MAP1S: variants seen among roughly 807,000 people sequenced by gnomAD.
MAP1S encodes microtubule-associated protein 1S.
MAP1S carries 27 observed loss-of-function variants against 60.9 expected under a neutral mutation model. The observed-to-expected ratio is 0.44, with a 90% CI of 0.33 to 0.61. The LOEUF is 0.61. MAP1S is among the 20% of genes least tolerant of loss of function. The probability of loss-of-function intolerance (pLI) is 0.03; values close to 1 mark genes in which losing one functional copy is unlikely to be tolerated. For missense variants in MAP1S, 1,608 were observed against 1,486.6 expected (o/e 1.08, Z -1.34); for synonymous variants, 826 against 694.2 (o/e 1.19, Z -2.98).
rs11548658 is a variant in MAP1S, at chr19:17,727,064, C to G, written c.1680C>G (p.Pro560=). ...NLKKTNAQAA[P]KPRKAPSTSH... ...AGAAGACGAATGCCCAGGCGGCACC[C>G]AAGCCCCGCAAAGCGCCCAGCACGT... Residue 560 remains proline (P), a synonymous_variant, in exon 5 of 7, where the codon CCC becomes CCG. Transcript: ENST00000324096. This position sits in a 1 kb window ranked among gnomAD's most constrained non-coding sequence, Gnocchi z 4.1. 12 of 1,605,878 alleles carry G rather than the reference C, an allele frequency of 7.5e-6. No homozygotes were observed. The highest frequency in any genetic ancestry group is 2.2e-5 in the East Asian group (1 of 44,634).
chr19:17,728,247 T>A, intron 5 of MAP1S, 75 bp downstream of exon 5: 2 of 1,447,770 alleles, frequency 1.4e-6, no homozygotes, highest in East Asian at 4.7e-5. Context: ...TCCCCCTGTT[T>A]TTACATTTTC....
chr19:17,720,478 T>A, intron 1 of MAP1S: 1 of 1,527,658 alleles, frequency 6.5e-7, no homozygotes, highest in Non-Finnish European at 8.7e-7. Context: ...TGGAACAAGC[T>A]TCCAGCTCAC....
chr19:17,726,463 G>A lies in MAP1S; in HGVS notation c.1079G>A (p.Ser360Asn), dbSNP rs1275545980. Residue 360 changes from serine (S) to asparagine (N), a missense_variant, in exon 5 of 7, where the codon AGC (serine) becomes AAC (asparagine). By Grantham distance (46) the Ser-to-Asn change is conservative (BLOSUM62 1). This residue lies in a region of MAP1S where 1,167 missense variants were observed against 961.4 expected (regional missense o/e 1.21). Transcript: ENST00000324096. ...RGEDEAELAL[S>N]LLAQLGITPL... ...GAGGATGAGGCGGAGCTGGCGCTGA[G>A]CCTCCTGGCGCAGCTGGGCATCACG... The A allele has an allele frequency of 1.3e-6, 2 of 1,550,584 alleles. No individual in the cohort carries two copies. The highest frequency in any genetic ancestry group is 1.9e-5 in the Admixed American group (1 of 51,990).
In MAP1S at chr19:17,734,422, G is replaced by C. The variant is rs752005506; in HGVS notation, c.3174G>C (p.Glu1058Asp). The C allele has an allele frequency of 6.8e-6, 11 of 1,607,878 alleles. No individual in the cohort carries two copies. The African/African-American group carries it at 9.4e-5, about 14-fold the overall frequency. The stretch of plus-strand genomic sequence containing the variant: ...ACGCCTTCCCGGCCTGCAAGGTGGA[G>C]TTCTAGCCCCATCGCCGACACGCCC... ...QDDAFPACKV[E>D]F Residue 1058 changes from glutamate (E) to aspartate (D), a missense_variant, in exon 7 of 7, where the codon GAG becomes GAC. By Grantham distance (45) the Glu-to-Asp change is conservative. This residue lies in a region of MAP1S where 76 missense variants were observed against 110.1 expected (regional missense o/e 0.69). Transcript: ENST00000324096.
At position 17,726,583 on chromosome 19, in the gene MAP1S, CG is replaced by C; in HGVS notation, c.1200del (p.Ser402ProfsTer50). ...VGRLDMYVLH[P>X]PSAGAERTLA... is the part of the protein sequence containing the mutation. ...CGGCTGGACATGTATGTGCTGCACC[CG>C]CCCTCCGCCGGCGCCGAGCGCACGC... On this transcript the variant is annotated frameshift_variant, in exon 5 of 7. Transcript: ENST00000324096. LOFTEE classifies it high-confidence loss of function. 1 of 1,573,790 alleles carries C rather than the reference CG, an allele frequency of 6.4e-7. No homozygotes were observed. The highest frequency in any genetic ancestry group is 8.6e-7 in the Non-Finnish European group (1 of 1,165,248).
rs1480352285 is a variant in MAP1S at position 17,727,824 on chromosome 19, G to A, written c.2440G>A (p.Glu814Lys). ...TGCGGCAGACTCAGACGAAGACACA[G>A]AGGGCTTTGGAGTCCCTCGCCACGA... ...PGAADSDEDT[E>K]GFGVPRHDPL... is the part of the protein sequence containing the mutation. Residue 814 changes from glutamate to lysine, a missense_variant, in exon 5 of 7, where the codon GAG (glutamate) becomes AAG (lysine). Physicochemically the swap from Glu to Lys is moderately conservative, Grantham distance 56. Transcript: ENST00000324096. This position sits in a 1 kb window ranked among gnomAD's most constrained non-coding sequence, Gnocchi z 4.1. 13 of 1,613,450 alleles carry A rather than the reference G, an allele frequency of 8.1e-6. No individual in the cohort carries two copies. Among genetic ancestry groups the A allele is most frequent in the Non-Finnish European group, 1.0e-5 (12 of 1,179,868 alleles).
intron 2 of MAP1S, 47 bp from the exon 3 acceptor site, chr19:17,724,079 C>A: frequency 6.7e-7 from 1 of 1,492,226 alleles, no homozygotes; most frequent in Non-Finnish European, 9.3e-7. Flanking sequence ...CTGAGGGTCA[C>A]ACGGGGAGGC....
rs144113040 is a variant in MAP1S at position 17,731,756 on chromosome 19, C to G, written c.2789-1437C>G. On this transcript the variant is annotated intron_variant, in intron 5 of 6. Coordinates refer to ENST00000324096, the MANE Select transcript of MAP1S (RefSeq NM_018174.6). ...TCTCAGCTCACTGCAACCTCCACTTCCTGGGTTCAAGCAGTTCTCCTGCCT... is the reference window on the plus strand; with the variant it reads ...TCTCAGCTCACTGCAACCTCCACTTGCTGGGTTCAAGCAGTTCTCCTGCCT... Among the ~76,000 whole-genome samples, 381 of 152,350 alleles carry G rather than the reference C, an allele frequency of 2.5e-3. 2 individuals carry two copies. The highest frequency in any genetic ancestry group is 9.0e-3 in the African/African-American group (375 of 41,560).
chr19:17,733,572 TA>T lies in MAP1S; in HGVS notation c.3024+145del. The T allele has an allele frequency of 4.6e-6, 3 of 653,744 alleles. 1 individual carries two copies. In the South Asian group the frequency reaches 6.4e-5, roughly 14 times the overall value. The allele number at this position is 653,744 out of a possible 1,614,324, so 40.5% of individuals were successfully genotyped here. A position where few individuals can be genotyped will look rare whatever the true frequency, so the allele number is the denominator to read the frequency against. On this transcript the variant is annotated intron_variant, in intron 6 of 6. Coordinates refer to ENST00000324096, the MANE Select transcript of MAP1S (RefSeq NM_018174.6). ...TGGGAGTCTCACATGGCTCAGCCCT[TA>T]GGGGTCTCTTCGGACTCTGATTCTG...
At chr19:17,733,518 C>T in intron 6 of MAP1S, 90 bp downstream of exon 6, 1 of 1,083,538 alleles carries the variant, frequency 9.2e-7, no homozygotes, top group South Asian at 1.7e-5. Flanking sequence ...AGCTGTGTTC[C>T]CCAGGCCACA....
chr19:17,720,624 G>C, intron 1 of MAP1S: 3 of 1,005,598 alleles, frequency 3.0e-6, no homozygotes, highest in Non-Finnish European at 4.2e-6. Flanking sequence ...CTTCCAGGCA[G>C]GGGAAACAGC....
Position 17,727,928 on chromosome 19 carries a change from GC to G in MAP1S, c.2550del (p.Lys851ArgfsTer159). On this transcript the variant is annotated frameshift_variant, in exon 5 of 7. Coordinates refer to ENST00000324096, the MANE Select transcript of MAP1S (RefSeq NM_018174.6). LOFTEE classifies it high-confidence loss of function. This position sits in a 1 kb window ranked among gnomAD's most constrained non-coding sequence, Gnocchi z 4.1. The stretch of plus-strand genomic sequence containing the variant: ...TCTGCATGGTGGACCCCGAGATGCT[GC>G]CCCCCAAGACAGCACGGCAAACGGA... The part of the protein sequence containing the change: ...SICMVDPEML[P>X]PKTARQTENV... The G allele has an allele frequency of 6.2e-7, 1 of 1,610,320 alleles. No homozygotes were observed. Among genetic ancestry groups the G allele is most frequent in the Non-Finnish European group, 8.5e-7 (1 of 1,178,742 alleles).
In MAP1S at chr19:17,719,491, G is replaced by C; in HGVS notation, c.-12G>C. The stretch of plus-strand genomic sequence containing the variant: ...GCGGGGCGGGCGCCGAGAACGCCGG[G>C]GCGGCCCGAAGATGGCGGCGGTGGC... On this transcript the variant is annotated 5_prime_UTR_variant, in exon 1 of 7. Coordinates refer to ENST00000324096, the MANE Select transcript of MAP1S (RefSeq NM_018174.6). The C allele has an allele frequency of 8.0e-7, 1 of 1,242,718 alleles. No individual in the cohort carries two copies. Among genetic ancestry groups the C allele is most frequent in the Non-Finnish European group, 1.0e-6 (1 of 986,108 alleles). 77.0% of individuals were successfully genotyped at this position (1,242,718 alleles called of 1,614,324 possible). A position where few individuals can be genotyped will look rare whatever the true frequency, so the allele number is the denominator to read the frequency against.
intron 5 of MAP1S, among the ~76,000 whole-genome samples, chr19:17,731,786 C>T (rs1480741235): frequency 3.3e-5 from 5 of 152,222 alleles, no homozygotes; most frequent in Non-Finnish European, 1.5e-5. Flanking sequence ...CTGCCTCTGC[C>T]TCCCGAGTAG....
intron 5 of MAP1S, among the ~76,000 whole-genome samples, chr19:17,731,221 C>T (rs1568296211): frequency 1.3e-5 from 2 of 152,082 alleles, no homozygotes; most frequent in Non-Finnish European, 2.9e-5. Flanking sequence ...AGCTTCTACC[C>T]CATGTTTTCT....
intron 5 of MAP1S, among the ~76,000 whole-genome samples, chr19:17,729,226 T>C (rs2080471572): frequency 6.6e-6 from 1 of 152,118 alleles, no homozygotes. Context: ...ATTTCTCCAG[T>C]AGCAAGTTGT....
chr19:17,720,102 A>G (rs2080357004), intron 1 of MAP1S: 4 of 1,193,488 alleles, frequency 3.4e-6, no homozygotes, highest in Non-Finnish European at 1.0e-6. Context: ...AGGAGCTGCT[A>G]ATTGGGGTGT....
rs1176598617 is a variant in MAP1S at position 17,728,035 on chromosome 19, C to A, written c.2651C>A (p.Ala884Asp). ...CCCAAAGCCACTCCAGTGGCTGCTG[C>A]CAAAACCAAGGGGCTTGCTGGTGGG... Reference protein sequence around the residue: ...AAPKATPVAAAKTKGLAGGDR... With the variant: ...AAPKATPVAADKTKGLAGGDR... The change falls in exon 5 of 7, where the codon GCC (alanine) becomes GAC (aspartate). Residue 884 changes from alanine to aspartate, a missense_variant. Transcript: ENST00000324096. 1 of 1,612,030 alleles carries A rather than the reference C, an allele frequency of 6.2e-7. No homozygotes were observed. The highest frequency in any genetic ancestry group is 2.2e-5 in the East Asian group (1 of 44,832).
chr19:17,719,538 T>C lies in MAP1S; in HGVS notation c.36T>C (p.Ala12=). The stretch of plus-strand genomic sequence containing the variant: ...TGGCTGGATCTGGGGCTGCCGCGGC[T>C]CCGAGCTCACTGCTCCTCGTGGTGG... ...AAVAGSGAAA[A]PSSLLLVVGS... The change falls in exon 1 of 7, where the codon GCT becomes GCC. Residue 12 remains alanine (A), a synonymous_variant. Transcript: ENST00000324096. The C allele has an allele frequency of 1.6e-6, 2 of 1,245,980 alleles. No homozygotes were observed. The highest frequency in any genetic ancestry group is 2.0e-6 in the Non-Finnish European group (2 of 987,588). The allele number at this position is 1,245,980 out of a possible 1,614,324, so 77.2% of individuals were successfully genotyped here.
Sources: allele counts gnomAD v4.1 joint callset (sites outside exome capture counted in the v4.1 genomes callset), GRCh38; gene constraint gnomAD v4.1.1; regional missense constraint gnomAD v4.1.1; non-coding constraint Gnocchi (gnomAD v3.1); transcripts MANE v1.5; gene names NCBI Gene and HGNC (gene_info 2026-07-23, HGNC 2026-07-21).